The following ACACA variants were observed in gnomAD, a reference collection of about 807,000 sequenced individuals.
The protein encoded by ACACA is acetyl-CoA carboxylase alpha.
Under a neutral mutation model 296.1 loss-of-function variants are expected in ACACA, and 103 were observed. The observed-to-expected ratio is 0.35, with a 90% confidence interval of 0.30 to 0.41. ACACA has a LOEUF of 0.41. Ranked by LOEUF, ACACA falls within the 10% of genes least tolerant of loss-of-function variation. The pLI is 1.00. For missense variants in ACACA, 1,554 were observed against 2,989.7 expected (o/e 0.52, Z 11.20); for synonymous variants, 953 against 1,038.6 (o/e 0.92, Z 1.58).
intron 29 of ACACA, among the ~76,000 whole-genome samples, chr17:37,218,132 G>A (rs1220378596): frequency 4.4e-5 from 6 of 137,752 alleles, no homozygotes; most frequent in Non-Finnish European, 7.7e-5. Flanking sequence ...CTCTCTCCAC[G>A]GGCACTACCA....
chr17:37,215,729 C>A (rs2078951596), intron 29 of ACACA, among the ~76,000 whole-genome samples: 1 of 152,004 alleles, frequency 6.6e-6, no homozygotes, highest in Admixed American at 6.6e-5. Flanking sequence ...ATCACCAGCA[C>A]CAGTGAGTGA....
At position 37,086,704 on chromosome 17, in the gene ACACA, A is replaced by C. The variant is rs1388090312; in HGVS notation, c.*612T>G. On this transcript the variant is annotated 3_prime_UTR_variant, in exon 56 of 56. Transcript: ENST00000616317. ...CTTCTTGGCTCACAGTTTTGCCCTC[A>C]TCTTTGAGTTCCTATGGAGCTTGTA... The C allele has an allele frequency of 3.9e-5, 6 of 154,584 alleles. No individual in the cohort carries two copies. The highest frequency in any genetic ancestry group is 6.3e-5 in the Admixed American group (1 of 15,796). 9.6% of individuals were successfully genotyped at this position (154,584 alleles called of 1,614,324 possible). A position where few individuals can be genotyped will look rare whatever the true frequency, so the allele number is the denominator to read the frequency against.
intron 2 of ACACA, among the ~76,000 whole-genome samples, chr17:37,337,823 C>T (rs755208049): frequency 6.6e-6 from 1 of 151,958 alleles, no homozygotes; most frequent in African/African-American, 2.4e-5. Flanking sequence ...ATCAGCTGGG[C>T]GCAGTGGCTC....
chr17:37,254,327 C>T (rs2081129044), intron 14 of ACACA, among the ~76,000 whole-genome samples: 1 of 152,092 alleles, frequency 6.6e-6, no homozygotes, highest in African/African-American at 2.4e-5. Context: ...AATCATATTC[C>T]AGGTAGTCCA....
chr17:37,088,078 C>T (rs1390825940), intron 55 of ACACA, among the ~76,000 whole-genome samples: 1 of 152,168 alleles, frequency 6.6e-6, no homozygotes, highest in East Asian at 1.9e-4. Context: ...CATGTGCCCC[C>T]AGATGTGGTG....
chr17:37,181,187 G>A lies in ACACA; in HGVS notation c.4932+14C>T. 1 of 1,613,960 alleles carries A rather than the reference G, an allele frequency of 6.2e-7. No individual in the cohort carries two copies. Among genetic ancestry groups the A allele is most frequent in the Non-Finnish European group, 8.5e-7 (1 of 1,179,894 alleles). On this transcript the variant is annotated intron_variant, in intron 40 of 55. Coordinates refer to ENST00000616317, the MANE Select transcript of ACACA (RefSeq NM_198834.3). ...TCCTTAGAACATGTCAGACCCTCCA[G>A]TTAGGCATCTTACCTGCCGAAACAT...
At chr17:37,267,368 G>A (rs1045255611) in intron 10 of ACACA, among the ~76,000 whole-genome samples, 1 of 152,170 alleles carries the variant, frequency 6.6e-6, no homozygotes, top group Non-Finnish European at 1.5e-5. Flanking sequence ...ACTCATCTCT[G>A]CTCATGTGAC....
intron 45 of ACACA, among the ~76,000 whole-genome samples, chr17:37,146,793 C>T (rs1023240981): frequency 5.3e-5 from 8 of 150,144 alleles, no homozygotes; most frequent in African/African-American, 1.7e-4. Flanking sequence ...GCATCAAGAA[C>T]AAAAAAAAAT....
At chr17:37,295,652 C>A (rs933225856) in intron 3 of ACACA, among the ~76,000 whole-genome samples, 2 of 151,884 alleles carry the variant, frequency 1.3e-5, no homozygotes, top group East Asian at 3.9e-4. Context: ...AGGCCAGGCA[C>A]GGTGGCTCAC....
At chr17:37,281,772 A>C (rs1250494609) in intron 5 of ACACA, among the ~76,000 whole-genome samples, 1 of 152,216 alleles carries the variant, frequency 6.6e-6, no homozygotes, top group African/African-American at 2.4e-5. Context: ...AGGCTGAGAC[A>C]GAAGAATTGC....
At chr17:37,350,976 T>C (rs1228997949) in intron 1 of ACACA, among the ~76,000 whole-genome samples, 1 of 145,846 alleles carries the variant, frequency 6.9e-6, no homozygotes, top group African/African-American at 2.6e-5. Flanking sequence ...CTATTAAAAA[T>C]ACAAAAATTA....
intron 3 of ACACA, among the ~76,000 whole-genome samples, chr17:37,290,819 C>T (rs960325045): frequency 6.6e-6 from 1 of 152,126 alleles, no homozygotes; most frequent in Non-Finnish European, 1.5e-5. Flanking sequence ...CACAGTGGCT[C>T]TTGCCTGAAT....
In ACACA at chr17:37,097,028, G is replaced by A; in HGVS notation, c.6859C>T (p.Arg2287Cys). The change falls in exon 54 of 56, where the codon CGC (arginine) becomes TGC (cysteine). Residue 2287 changes from arginine to cysteine, a missense_variant. This residue lies in a region of ACACA where 553 missense variants were observed against 1,043.6 expected (regional missense o/e 0.53). Coordinates refer to ENST00000616317, the MANE Select transcript of ACACA (RefSeq NM_198834.3). The surrounding 1 kb of genome is among the most constrained non-coding windows in gnomAD (Gnocchi z 4.8). ...GTTCCTTCCACTTCCACAAACCAGCGCCTTAACATGGCTTGAATCTGGCCA... is the reference window on the plus strand; with the variant it reads ...GTTCCTTCCACTTCCACAAACCAGCACCTTAACATGGCTTGAATCTGGCCA... ...TDGQIQAMLRRWFVEVEGTVK... is the reference protein window; with the variant it reads ...TDGQIQAMLRCWFVEVEGTVK... The A allele has an allele frequency of 6.2e-7, 1 of 1,614,054 alleles. No individual in the cohort carries two copies. Among genetic ancestry groups the A allele is most frequent in the Non-Finnish European group, 8.5e-7 (1 of 1,180,036 alleles).
In ACACA at chr17:37,332,561, A is replaced by G. The variant is rs181783806; in HGVS notation, c.86-2136T>C. ...AGAGGCAGGAGGATTGTTTGAGTCC[A>G]GGAGTTCAAGACTAGCATGAGCATC... On this transcript the variant is annotated intron_variant, in intron 2 of 55. Transcript: ENST00000616317. 2.8e-3 allele frequency among the ~76,000 whole-genome samples: 417 copies of G among 148,226 alleles called. 2 individuals carry two copies. The highest frequency in any genetic ancestry group is 4.6e-3 in the Non-Finnish European group (308 of 67,072).
intron 11 of ACACA, among the ~76,000 whole-genome samples, chr17:37,260,091 A>G (rs1013080800): frequency 1.1e-4 from 16 of 150,600 alleles, no homozygotes; most frequent in Non-Finnish European, 1.6e-4. Flanking sequence ...CATGTTGGCC[A>G]GCCTGGTCTC....
chr17:37,250,958 C>T (rs953390868), intron 16 of ACACA, among the ~76,000 whole-genome samples: 10 of 152,002 alleles, frequency 6.6e-5, no homozygotes, highest in African/African-American at 1.5e-4. Flanking sequence ...ACCCGAGAGG[C>T]GGACCTTGCA....
At chr17:37,359,728 G>A (rs1315770080) in intron 1 of ACACA, among the ~76,000 whole-genome samples, 1 of 152,096 alleles carries the variant, frequency 6.6e-6, no homozygotes, top group African/African-American at 2.4e-5. Context: ...GTGGGCAATC[G>A]CGTCCACTAC....
At chr17:37,094,630 A>C (rs1398154380) in intron 54 of ACACA, among the ~76,000 whole-genome samples, 1 of 144,874 alleles carries the variant, frequency 6.9e-6, no homozygotes, top group East Asian at 2.2e-4. Flanking sequence ...TCTGAGGCAC[A>C]CAGATGGCTT....
intron 39 of ACACA, among the ~76,000 whole-genome samples, chr17:37,182,959 A>C (rs2077381104): frequency 6.6e-6 from 1 of 152,172 alleles, no homozygotes; most frequent in Non-Finnish European, 1.5e-5. Context: ...CCACAAGATC[A>C]ATAGGAAAAG....
Sources: gnomAD v4.1 joint callset for allele counts (sites outside exome capture counted in the v4.1 genomes callset) on GRCh38, gnomAD v4.1.1 for gene constraint, gnomAD v4.1.1 regional missense constraint, Gnocchi (gnomAD v3.1) non-coding constraint, MANE v1.5 for transcripts, NCBI Gene and HGNC (gene_info 2026-07-23, HGNC 2026-07-21) for gene names.